CLEC4A: variants seen among roughly 807,000 people sequenced by gnomAD.
CLEC4A encodes the protein C-type lectin domain family 4 member A, also known as C-type (calcium dependent, carbohydrate-recognition domain) lectin, superfamily member 6.
Under a neutral mutation model 32.7 loss-of-function variants are expected in CLEC4A, and 27 were observed. That is an observed-to-expected ratio of 0.83 (90% CI 0.61 to 1.14). The LOEUF (loss-of-function observed/expected upper bound fraction) is 1.14, where lower values mean the gene tolerates loss of function less well. Among genes scored for constraint, CLEC4A ranks in the 50% most tolerant of loss-of-function variants. The pLI is 0.00. For missense variants in CLEC4A, 253 were observed against 274.6 expected (o/e 0.92, Z 0.55); for synonymous variants, 89 against 93.7 (o/e 0.95, Z 0.29).
intron 3 of CLEC4A, chr12:8,134,642 G>A: frequency 1.2e-6 from 2 of 1,606,070 alleles, no homozygotes; most frequent in Admixed American, 1.7e-5. Flanking sequence ...CCATCCCCCC[G>A]CAGAACTCAT....
intron 3 of CLEC4A, among the ~76,000 whole-genome samples, chr12:8,135,061 T>G (rs1442655021): frequency 1.1e-5 from 1 of 92,342 alleles, no homozygotes; most frequent in African/African-American, 3.8e-5. Flanking sequence ...TTTTTTTTTT[T>G]TTTTTTTTGA....
intron 3 of CLEC4A, chr12:8,134,694 G>A: frequency 5.1e-6 from 8 of 1,575,106 alleles, no homozygotes; most frequent in Non-Finnish European, 6.9e-6. Context: ...CTCAGAGCCT[G>A]GCCCAAACCC....
At chr12:8,110,073 T>C in the CLEC4A span, among the ~76,000 whole-genome samples, 1 of 152,158 alleles carries the variant, frequency 6.6e-6, no homozygotes, top group Admixed American at 6.5e-5. Context: ...GCTTTTATAG[T>C]ATATACCTTT....
chr12:8,134,853 G>A (rs771558114), intron 3 of CLEC4A: 12 of 1,537,270 alleles, frequency 7.8e-6, no homozygotes, highest in Middle Eastern at 1.9e-4. Flanking sequence ...TCCCGCCATG[G>A]GGAAGGAAGG....
chr12:8,129,193 A>C, intron 2 of CLEC4A, 71 bp from the exon 3 acceptor site: 2 of 976,758 alleles, frequency 2.0e-6, no homozygotes, highest in South Asian at 3.0e-5. Context: ...TAAAGAATGC[A>C]AGAAAGTAAC....
intron 4 of CLEC4A, 121 bp from the exon 5 acceptor site, chr12:8,136,667 G>T: frequency 1.7e-6 from 1 of 585,766 alleles, no homozygotes; most frequent in South Asian, 2.0e-5. Context: ...CCATTCCTAC[G>T]TAGAGCTCTA....
chr12:8,110,007 T>C, the CLEC4A span, among the ~76,000 whole-genome samples: 4 of 152,314 alleles, frequency 2.6e-5, no homozygotes, highest in Admixed American at 6.5e-5. Context: ...ACTGATTCCA[T>C]AGTAAGGATT....
the CLEC4A span, among the ~76,000 whole-genome samples, chr12:8,112,125 T>C: frequency 0.034 from 5,125 of 152,090 alleles, 289 homozygotes; most frequent in African/African-American, 0.11. Flanking sequence ...TGCACCACCA[T>C]GCCCGTCTAA....
At chr12:8,134,918 GA>G in intron 3 of CLEC4A, 1 of 1,193,942 alleles carries the variant, frequency 8.4e-7, no homozygotes, top group East Asian at 5.2e-5. Context: ...GTTCTTTGCT[GA>G]AACTTTCTAG....
intron 3 of CLEC4A, among the ~76,000 whole-genome samples, chr12:8,133,486 A>G (rs914755493): frequency 3.9e-5 from 5 of 129,286 alleles, no homozygotes; most frequent in Admixed American, 3.7e-4. Flanking sequence ...ATATTATTCA[A>G]TTATAAAATT....
chr12:8,119,002 G>T (rs1357145558), upstream of CLEC4A, among the ~76,000 whole-genome samples: 1 of 152,104 alleles, frequency 6.6e-6, no homozygotes, highest in East Asian at 1.9e-4. Context: ...TTGATCTTGG[G>T]CTTCCCAACC....
rs1382030768 is a variant in CLEC4A, at chr12:8,136,080, G to A, written c.450+344G>A. 2.0e-5 allele frequency among the ~76,000 whole-genome samples: 3 copies of A among 152,160 alleles called. No homozygotes were observed. In the South Asian group the frequency reaches 6.2e-4, roughly 31 times the overall value. On this transcript the variant is annotated intron_variant, in intron 4 of 5. Coordinates refer to ENST00000229332, the MANE Select transcript of CLEC4A (RefSeq NM_016184.4). Reference sequence around the variant, plus strand: ...GAGGTATTAAGTTGAATAGAGAAAAGAAATAAAGTTAACTCATGATGAATC... The same window carrying A: ...GAGGTATTAAGTTGAATAGAGAAAAAAAATAAAGTTAACTCATGATGAATC...
chr12:8,109,886 A>T, the CLEC4A span, among the ~76,000 whole-genome samples: 1 of 151,974 alleles, frequency 6.6e-6, no homozygotes, highest in Non-Finnish European at 1.5e-5. Context: ...ATTGTCTTAG[A>T]AGTGAGGTAG....
Position 8,123,919 on chromosome 12 carries a change from A to G in CLEC4A, c.41A>G (p.Asn14Ser), listed in dbSNP as rs767679694. The G allele has an allele frequency of 1.2e-6, 2 of 1,613,508 alleles. No individual in the cohort carries two copies. Among genetic ancestry groups the G allele is most frequent in the African/African-American group, 2.7e-5 (2 of 74,930 alleles). The change falls in exon 1 of 6, where the codon AAT (asparagine) becomes AGT (serine). Residue 14 changes from asparagine (N) to serine (S), a missense_variant. By Grantham distance (46) the Asn-to-Ser change is conservative. Coordinates refer to ENST00000229332, the MANE Select transcript of CLEC4A (RefSeq NM_016184.4). ...ACTTATGCTGAAGTGAGGTTCAAAA[A>G]TGAATTCAAGTCCTCAGGCATCAAC... ...EITYAEVRFK[N>S]EFKSSGINTA...
the CLEC4A span, among the ~76,000 whole-genome samples, chr12:8,112,804 G>A: frequency 6.6e-6 from 1 of 152,160 alleles, no homozygotes; most frequent in South Asian, 2.1e-4. Context: ...AGTCATATAA[G>A]TTTGTACTCC....
chr12:8,135,744 C>G lies in CLEC4A; in HGVS notation c.450+8C>G, dbSNP rs1565406920. ...AACACTCAAGAAGAGCAGGTACTTT[C>G]TAATAGATAATGGGGCTGTGAGCCC... On this transcript the variant is annotated splice_region_variant and intron_variant, in intron 4 of 5. Coordinates refer to ENST00000229332, the MANE Select transcript of CLEC4A (RefSeq NM_016184.4). The G allele has an allele frequency of 3.1e-6, 5 of 1,613,274 alleles. No homozygotes were observed. The highest frequency in any genetic ancestry group is 4.2e-6 in the Non-Finnish European group (5 of 1,179,574).
chr12:8,136,563 CA>C (rs5796306), intron 4 of CLEC4A, among the ~76,000 whole-genome samples: 76,714 of 100,504 alleles, frequency 0.76, 29,027 homozygotes, highest in East Asian at 0.88. Flanking sequence ...GACTCCATCT[CA>C]AAAAAAAAAA....
At chr12:8,122,247 C>T (rs1378554741), upstream of CLEC4A, among the ~76,000 whole-genome samples, 3 of 151,118 alleles carry the variant, frequency 2.0e-5, no homozygotes, top group East Asian at 2.0e-4. Flanking sequence ...TAGGATAGCC[C>T]GGTGAGGAAA....
chr12:8,104,653 G>A, the CLEC4A span, among the ~76,000 whole-genome samples: 1 of 152,086 alleles, frequency 6.6e-6, no homozygotes, highest in East Asian at 1.9e-4. Flanking sequence ...CATGGGGGTT[G>A]GATATACAGA....
Sources: allele counts gnomAD v4.1 joint callset (sites outside exome capture counted in the v4.1 genomes callset), GRCh38; gene constraint gnomAD v4.1.1; transcripts MANE v1.5; gene names NCBI Gene and HGNC (gene_info 2026-07-23, HGNC 2026-07-21).